NLGN1: variants seen among roughly 807,000 people sequenced by gnomAD.
NLGN1 encodes neuroligin 1.
In NLGN1, 12 loss-of-function variants were observed where a neutral mutation model predicts 65.5. The observed-to-expected ratio is 0.18, with a 90% CI of 0.12 to 0.30. The LOEUF (loss-of-function observed/expected upper bound fraction) is 0.30. Ranked by LOEUF, NLGN1 falls within the 10% of genes least tolerant of loss-of-function variation. The pLI, the probability that NLGN1 is intolerant of heterozygous loss-of-function variation, is 1.00. For missense variants in NLGN1, 750 were observed against 1,007.1 expected, an observed-to-expected ratio of 0.74 and a Z score of 3.46; for synonymous variants, 350 against 359.5, an observed-to-expected ratio of 0.97 and a Z score of 0.30.
intron 3 of NLGN1, among the ~76,000 whole-genome samples, chr3:173,741,510 T>A (rs997645050): frequency 2.0e-5 from 3 of 152,114 alleles, no homozygotes; most frequent in Non-Finnish European, 4.4e-5. Flanking sequence ...TTTTTGTTTT[T>A]GAGACAGAGT....
At chr3:174,266,658 A>G (rs1748306119) in intron 4 of NLGN1, among the ~76,000 whole-genome samples, 1 of 152,214 alleles carries the variant, frequency 6.6e-6, no homozygotes, top group African/African-American at 2.4e-5. Flanking sequence ...TAGCTGAACT[A>G]ATATCATTCC....
chr3:173,516,680 C>T (rs1014022784), intron 2 of NLGN1, among the ~76,000 whole-genome samples: 9 of 152,092 alleles, frequency 5.9e-5, no homozygotes, highest in Non-Finnish European at 1.3e-4. Flanking sequence ...ACATCACATT[C>T]AAGAAATCTG....
chr3:173,823,511 G>A (rs1436736346), intron 4 of NLGN1, among the ~76,000 whole-genome samples: 1 of 151,880 alleles, frequency 6.6e-6, no homozygotes, highest in African/African-American at 2.4e-5. Flanking sequence ...CAATTCACAT[G>A]CTAAATCTTC....
chr3:173,423,467 T>TAGTTA (rs113191105), intron 1 of NLGN1, among the ~76,000 whole-genome samples: 2 of 152,172 alleles, frequency 1.3e-5, no homozygotes, highest in African/African-American at 4.8e-5. Context: ...AAAAGCAAGT[T>TAGTTA]AGTTACCTCC....
At chr3:174,036,901 C>T (rs1731255506) in intron 4 of NLGN1, among the ~76,000 whole-genome samples, 1 of 152,068 alleles carries the variant, frequency 6.6e-6, no homozygotes, top group Non-Finnish European at 1.5e-5. Context: ...TGGCCTCTAG[C>T]TTTATGCATG....
At chr3:173,775,211 A>G (rs959030893) in intron 3 of NLGN1, among the ~76,000 whole-genome samples, 1 of 152,172 alleles carries the variant, frequency 6.6e-6, no homozygotes, top group Admixed American at 6.6e-5. Flanking sequence ...AAAAGGTAAA[A>G]TTGCAAGAAC....
chr3:173,603,749 A>G (rs1352125910), intron 2 of NLGN1, among the ~76,000 whole-genome samples: 1 of 152,106 alleles, frequency 6.6e-6, no homozygotes, highest in African/African-American at 2.4e-5. Context: ...AGCTGAACTC[A>G]TATGAATTTT....
chr3:173,930,438 G>A (rs902201006), intron 4 of NLGN1, among the ~76,000 whole-genome samples: 1 of 152,008 alleles, frequency 6.6e-6, no homozygotes, highest in Admixed American at 6.6e-5. Context: ...CGCTGTGAAG[G>A]GAAGTCTACA....
intron 4 of NLGN1, among the ~76,000 whole-genome samples, chr3:173,964,668 T>C (rs149714983): frequency 4.0e-4 from 61 of 152,318 alleles, no homozygotes; most frequent in African/African-American, 1.4e-3. Context: ...GAATCAAATG[T>C]AATTTTGACT....
intron 5 of NLGN1, among the ~76,000 whole-genome samples, chr3:174,277,223 C>T (rs1750744367): frequency 1.3e-5 from 2 of 151,902 alleles, no homozygotes; most frequent in African/African-American, 4.8e-5. Flanking sequence ...CTCTTGAAAT[C>T]ATCAAGCTGA....
chr3:173,691,036 T>C (rs1327587843), intron 3 of NLGN1, among the ~76,000 whole-genome samples: 2 of 152,114 alleles, frequency 1.3e-5, no homozygotes, highest in East Asian at 3.9e-4. Context: ...TAACTGGGGA[T>C]TCCGGGAGAT....
At chr3:174,087,777 A>G (rs961914837) in intron 4 of NLGN1, among the ~76,000 whole-genome samples, 2 of 152,236 alleles carry the variant, frequency 1.3e-5, no homozygotes, top group Non-Finnish European at 2.9e-5. Context: ...CCATCACTCA[A>G]TGAATTTCCC....
chr3:173,641,439 C>T (rs1483615374), intron 3 of NLGN1, among the ~76,000 whole-genome samples: 3 of 152,064 alleles, frequency 2.0e-5, no homozygotes, highest in Non-Finnish European at 4.4e-5. Flanking sequence ...GGATTACAGG[C>T]GTGTGTGCCA....
intron 4 of NLGN1, among the ~76,000 whole-genome samples, chr3:174,260,146 C>T (rs1045164097): frequency 7.6e-4 from 115 of 151,458 alleles, no homozygotes; most frequent in African/African-American, 2.4e-3. Context: ...AATAAACATA[C>T]GTGTGCATGT....
chr3:173,454,857 T>G (rs2148863764), intron 2 of NLGN1, among the ~76,000 whole-genome samples: 1 of 152,362 alleles, frequency 6.6e-6, no homozygotes, highest in African/African-American at 2.4e-5. Context: ...TTAGGCTTAC[T>G]TCCAACTTTT....
intron 4 of NLGN1, among the ~76,000 whole-genome samples, chr3:173,919,358 A>G (rs1741463833): frequency 6.6e-6 from 1 of 152,314 alleles, no homozygotes; most frequent in Admixed American, 6.5e-5. Context: ...CTTTACAAGC[A>G]TATTTCAAAG....
chr3:173,460,566 G>A (rs1297402721), intron 2 of NLGN1, among the ~76,000 whole-genome samples: 1 of 152,156 alleles, frequency 6.6e-6, no homozygotes, highest in Admixed American at 6.6e-5. Context: ...TTGTGTTTTT[G>A]TTTTTTATCA....
intron 3 of NLGN1, chr3:173,800,399 CT>C (rs1309326702): frequency 2.0e-5 from 13 of 641,810 alleles, no homozygotes; most frequent in Admixed American, 1.4e-4. Context: ...GCCTCAATCA[CT>C]TTTTCCACCC....
chr3:173,920,945 A>G (rs1375504565), intron 4 of NLGN1: 1 of 152,034 alleles, frequency 6.6e-6, no homozygotes, highest in African/African-American at 2.4e-5. Context: ...TGAATCATAA[A>G]TTCAAGGAAC....
Sources: gnomAD v4.1 joint callset for allele counts (sites outside exome capture counted in the v4.1 genomes callset) on GRCh38, gnomAD v4.1.1 for gene constraint, MANE v1.5 for transcripts, NCBI Gene and HGNC (gene_info 2026-07-23, HGNC 2026-07-21) for gene names.